FCRL5: variants seen among roughly 807,000 people sequenced by gnomAD.
FCRL5 encodes the protein Fc receptor like 5.
Under a neutral mutation model 92.1 loss-of-function variants are expected in FCRL5, and 79 were observed. The observed-to-expected ratio is 0.86, with a 90% CI of 0.72 to 1.03. FCRL5 has a LOEUF of 1.03. FCRL5 is among the 50% of genes least tolerant of loss of function. FCRL5 has a pLI of 0.00. For missense variants in FCRL5, 1,160 were observed against 1,181.1 expected (o/e 0.98, Z 0.26); for synonymous variants, 466 against 469.3 (o/e 0.99, Z 0.09).
intron 6 of FCRL5, among the ~76,000 whole-genome samples, chr1:157,541,149 C>A (rs1977588): frequency 0.72 from 109,966 of 152,088 alleles, 42,847 homozygotes; most frequent in South Asian, 0.86. Flanking sequence ...AGAACACATT[C>A]TGCCCTTGGT....
intron 2 of FCRL5, among the ~76,000 whole-genome samples, chr1:157,548,911 T>G (rs2101651478): frequency 1.3e-5 from 2 of 152,272 alleles, no homozygotes; most frequent in East Asian, 3.9e-4. Flanking sequence ...GAAATACCAT[T>G]TGACCCAGCC....
At chr1:157,548,373 G>T (rs1651653536) in intron 2 of FCRL5, among the ~76,000 whole-genome samples, 1 of 150,126 alleles carries the variant, frequency 6.7e-6, no homozygotes, top group Admixed American at 6.6e-5. Flanking sequence ...CATAGGCATG[G>T]GCAAGGACTT....
chr1:157,518,238 A>C (rs1259274703), intron 15 of FCRL5, among the ~76,000 whole-genome samples, 191 bp downstream of exon 15: 1 of 152,090 alleles, frequency 6.6e-6, no homozygotes, highest in Non-Finnish European at 1.5e-5. Context: ...CTCTGCAGAG[A>C]ATAGGGAAAG....
rs778786327 is a variant in FCRL5 at position 157,534,638 on chromosome 1, C to T, written c.1657G>A (p.Glu553Lys). 3.7e-6 allele frequency: 6 copies of T among 1,614,132 alleles called. No homozygotes were observed. Among genetic ancestry groups the T allele is most frequent in the Non-Finnish European group, 1.7e-6 (2 of 1,180,062 alleles). The change falls in exon 8 of 17, where the codon GAA becomes AAA. Residue 553 changes from glutamate (E) to lysine (K), a missense_variant. Transcript: ENST00000361835. ...ADNGFGPQRS[E>K]VVSLFVTVPV... ...CCAGTGACAAAAAGGCTCACCACTT[C>T]ACTGCGCTGGGGACCAAAGCCATTG...
Position 157,543,008 on chromosome 1 carries a change from C to T in FCRL5, c.974G>A (p.Gly325Asp), listed in dbSNP as rs1198677613. 1.2e-6 allele frequency: 2 copies of T among 1,614,070 alleles called. No individual in the cohort carries two copies. Among genetic ancestry groups the T allele is most frequent in the African/African-American group, 1.3e-5 (1 of 74,922 alleles). ...GACTGACTTGTGCCTCAGGGGGACA[C>T]CCTCATGATAAAACCTGTACAAAGT... ...LRTLYRFYHE[G>D]VPLRHKSVRC... is the part of the protein sequence containing the mutation. Residue 325 changes from glycine to aspartate, a missense_variant, in exon 6 of 17, where the codon GGT becomes GAT. Gly to Asp is a moderately conservative substitution (Grantham distance 94). Coordinates refer to ENST00000361835, the MANE Select transcript of FCRL5 (RefSeq NM_031281.3).
In FCRL5 at chr1:157,520,725, G is replaced by A. The variant is rs115041510; in HGVS notation, c.2516-178C>T. ...GTCTTTGTGAGGAAGCCGTCTCTGCGCCTGAGACAAGTGTCCAGGGTCAGG... is the reference window on the plus strand; with the variant it reads ...GTCTTTGTGAGGAAGCCGTCTCTGCACCTGAGACAAGTGTCCAGGGTCAGG... On this transcript the variant is annotated intron_variant, in intron 11 of 16. Coordinates refer to ENST00000361835, the MANE Select transcript of FCRL5 (RefSeq NM_031281.3). Among the ~76,000 whole-genome samples, 698 of 152,342 alleles carry A rather than the reference G, an allele frequency of 4.6e-3. 7 individuals carry two copies. The highest frequency in any genetic ancestry group is 0.016 in the African/African-American group (671 of 41,582).
intron 10 of FCRL5, chr1:157,524,055 GGT>G: frequency 2.0e-6 from 1 of 505,296 alleles, no homozygotes; most frequent in South Asian, 4.5e-5. Context: ...TTTTTAGTGA[GGT>G]GCTTTGATCA....
chr1:157,545,124 T>C, intron 3 of FCRL5, 42 bp from the exon 4 acceptor site: 1 of 1,565,022 alleles, frequency 6.4e-7, no homozygotes, highest in Non-Finnish European at 8.6e-7. Context: ...ATCCTACTGT[T>C]TCCCCTTTCT....
At chr1:157,539,703 C>A (rs765861963) in intron 6 of FCRL5, among the ~76,000 whole-genome samples, 2 of 152,154 alleles carry the variant, frequency 1.3e-5, no homozygotes, top group Non-Finnish European at 2.9e-5. Flanking sequence ...AAAGACAGAA[C>A]TTTAAGTCAT....
At chr1:157,516,654 C>T (rs1405836819) in intron 15 of FCRL5, among the ~76,000 whole-genome samples, 2 of 152,204 alleles carry the variant, frequency 1.3e-5, no homozygotes, top group Non-Finnish European at 2.9e-5. Context: ...CTATTCAGCA[C>T]ATGATAGATA....
Position 157,538,229 on chromosome 1 carries a change from A to G in FCRL5, c.1402+857T>C, listed in dbSNP as rs142920167. ...GGGTTCCCTGGCCCTCTCCTTTATA[A>G]TCACACACATCCATGTGGGAGGGAC... On this transcript the variant is annotated intron_variant, in intron 7 of 16. Transcript: ENST00000361835. Among the ~76,000 whole-genome samples, 9 of 152,208 alleles carry G rather than the reference A, an allele frequency of 5.9e-5. No individual in the cohort carries two copies. The East Asian group carries it at 1.7e-3, about 29-fold the overall frequency.
intron 5 of FCRL5, 88 bp from the exon 6 acceptor site, chr1:157,543,225 G>C: frequency 7.6e-7 from 1 of 1,322,648 alleles, no homozygotes; most frequent in Non-Finnish European, 1.0e-6. Flanking sequence ...CCAGTCTCCA[G>C]TCTCCACCCT....
At position 157,521,105 on chromosome 1, in the gene FCRL5, CAG is replaced by C; in HGVS notation, c.2425_2426del (p.Leu809AspfsTer11). On this transcript the variant is annotated frameshift_variant, in exon 11 of 17. Coordinates refer to ENST00000361835, the MANE Select transcript of FCRL5 (RefSeq NM_031281.3). LOFTEE classifies it high-confidence loss of function. Reference sequence around the variant, plus strand: ...AGTAGTTTCCAGAGTGCTCTGCAGTCAGAGAGAGGTTTAAGGACGCTCCTCCA... The same window carrying C: ...AGTAGTTTCCAGAGTGCTCTGCAGTCAGAGAGGTTTAAGGACGCTCCTCCA... Reference protein sequence around the residue: ...PSGGASLNLSLTAEHSGNYSC... With the variant: ...PSGGASLNLSXTAEHSGNYSC... 1 of 1,614,152 alleles carries C rather than the reference CAG, an allele frequency of 6.2e-7. No homozygotes were observed. The highest frequency in any genetic ancestry group is 8.5e-7 in the Non-Finnish European group (1 of 1,180,038).
At chr1:157,524,187 C>T in intron 10 of FCRL5, 92 bp downstream of exon 10, 1 of 1,412,558 alleles carries the variant, frequency 7.1e-7, no homozygotes, top group Non-Finnish European at 9.8e-7. Flanking sequence ...AAGCAAACAG[C>T]CCTGAGGAGC....
intron 7 of FCRL5, 24 bp from the exon 8 acceptor site, chr1:157,534,916 A>G: frequency 6.6e-7 from 1 of 1,516,394 alleles, no homozygotes; most frequent in Non-Finnish European, 8.8e-7. Flanking sequence ...AGATTGAATC[A>G]AGAGTTGCTT....
At chr1:157,527,058 G>C (rs1420776483) in intron 9 of FCRL5, among the ~76,000 whole-genome samples, 1 of 152,184 alleles carries the variant, frequency 6.6e-6, no homozygotes, top group Non-Finnish European at 1.5e-5. Flanking sequence ...CTAGGAGTCT[G>C]CCTGTGACAA....
intron 6 of FCRL5, chr1:157,542,311 C>G (rs576624551): frequency 6.5e-6 from 1 of 153,774 alleles, no homozygotes; most frequent in African/African-American, 2.4e-5. Context: ...GAAGCTATCT[C>G]CTGGCCTGCC....
intron 9 of FCRL5, among the ~76,000 whole-genome samples, chr1:157,527,121 G>A (rs1343026666): frequency 6.6e-6 from 1 of 152,184 alleles, no homozygotes; most frequent in Admixed American, 6.5e-5. Flanking sequence ...AGGTAAGGAG[G>A]CAGAAGAATT....
chr1:157,525,238 T>C (rs1650375350), intron 9 of FCRL5, among the ~76,000 whole-genome samples: 1 of 152,202 alleles, frequency 6.6e-6, no homozygotes, highest in Non-Finnish European at 1.5e-5. Context: ...ATGTATGTGT[T>C]AGTCAAGGAA....
Sources: gnomAD v4.1 joint callset for allele counts (sites outside exome capture counted in the v4.1 genomes callset) on GRCh38, gnomAD v4.1.1 for gene constraint, MANE v1.5 for transcripts, NCBI Gene and HGNC (gene_info 2026-07-23, HGNC 2026-07-21) for gene names.